Variants in CACNA2D3 observed in about 807,000 individuals in gnomAD.
The protein encoded by CACNA2D3 is calcium voltage-gated channel auxiliary subunit alpha2delta 3.
A neutral mutation model predicts 160.6 loss-of-function variants in CACNA2D3; 60 were observed. That is an observed-to-expected ratio of 0.37 (90% CI 0.30 to 0.46). The LOEUF (loss-of-function observed/expected upper bound fraction) is 0.46, where lower values mean the gene tolerates loss of function less well. CACNA2D3 is among the 20% of genes least tolerant of loss of function. The pLI is 1.00. For missense variants in CACNA2D3, 1,205 were observed against 1,365.0 expected (o/e 0.88, Z 1.85); for synonymous variants, 558 against 492.9 (o/e 1.13, Z -1.75).
chr3:54,818,462 A>G (rs1703511681), intron 14 of CACNA2D3, among the ~76,000 whole-genome samples: 1 of 152,238 alleles, frequency 6.6e-6, no homozygotes. Flanking sequence ...ACAGTGAGCC[A>G]CTGCGCCCAG....
intron 17 of CACNA2D3, among the ~76,000 whole-genome samples, chr3:54,858,807 T>G (rs1699224548): frequency 6.6e-6 from 1 of 152,200 alleles, no homozygotes; most frequent in East Asian, 1.9e-4. Context: ...TGGTCCCAAC[T>G]GGGTAGATGC....
intron 4 of CACNA2D3, among the ~76,000 whole-genome samples, chr3:54,450,610 G>A (rs1700289436): frequency 6.6e-6 from 1 of 152,002 alleles, no homozygotes; most frequent in African/African-American, 2.4e-5. Flanking sequence ...TTGTTAAAAA[G>A]CGCCTGGCAC....
chr3:54,646,177 TCCCTCCC>T (rs1699639760), intron 11 of CACNA2D3, among the ~76,000 whole-genome samples: 1 of 24,056 alleles, frequency 4.2e-5, no homozygotes, highest in Non-Finnish European at 8.6e-5. Flanking sequence ...CCTCCCTCCC[TCCCTCCC>T]TCCTTCCTTG....
At chr3:54,334,331 C>T (rs973434035) in intron 3 of CACNA2D3, among the ~76,000 whole-genome samples, 9 of 152,096 alleles carry the variant, frequency 5.9e-5, no homozygotes, top group Non-Finnish European at 1.2e-4. Flanking sequence ...AGTGATCCGC[C>T]CACCTTGGCC....
chr3:54,964,466 C>G (rs904807887), intron 27 of CACNA2D3, among the ~76,000 whole-genome samples: 2 of 151,856 alleles, frequency 1.3e-5, no homozygotes, highest in African/African-American at 4.8e-5. Flanking sequence ...CATTTGCTGT[C>G]TTTGTTTTCC....
At chr3:54,933,093 CTTCCTTCCTTCCTTCCTTCCTTCTTTCT>C (rs1407115685) in intron 27 of CACNA2D3, among the ~76,000 whole-genome samples, 2 of 103,622 alleles carry the variant, frequency 1.9e-5, no homozygotes, top group African/African-American at 3.9e-5. Context: ...TCCTTCCTTC[CTTCCTTCCTTCCTTCCTTCCTTCTTTCT>C]GGACCTCTGC....
chr3:54,245,717 T>C (rs1232285406), intron 2 of CACNA2D3, among the ~76,000 whole-genome samples: 1 of 152,222 alleles, frequency 6.6e-6, no homozygotes, highest in Admixed American at 6.5e-5. Context: ...TCCCCCAGTC[T>C]CTCATCAGTG....
Position 54,581,893 on chromosome 3 carries a change from G to A in CACNA2D3, c.963+16G>A. ...AAACAAAGAGGTAGGGGCAGCTCGG[G>A]GGAGCATTCCAGTCATGGTACACCC... On this transcript the variant is annotated intron_variant, in intron 9 of 37. Coordinates refer to ENST00000474759, the MANE Select transcript of CACNA2D3 (RefSeq NM_018398.3). 1.2e-6 allele frequency: 2 copies of A among 1,610,650 alleles called. No individual in the cohort carries two copies. The highest frequency in any genetic ancestry group is 1.7e-6 in the Non-Finnish European group (2 of 1,177,574).
At chr3:54,407,581 G>T (rs890126785) in intron 4 of CACNA2D3, among the ~76,000 whole-genome samples, 3 of 152,040 alleles carry the variant, frequency 2.0e-5, no homozygotes, top group African/African-American at 7.2e-5. Context: ...CTACTTCTCA[G>T]TTGTTACACA....
chr3:54,263,202 G>A (rs531124625), intron 2 of CACNA2D3, among the ~76,000 whole-genome samples: 2 of 152,272 alleles, frequency 1.3e-5, no homozygotes, highest in South Asian at 4.1e-4. Context: ...TACCTATTAA[G>A]GTAGTTGGTT....
chr3:54,518,559 C>T (rs1193192392), intron 5 of CACNA2D3, among the ~76,000 whole-genome samples: 1 of 152,192 alleles, frequency 6.6e-6, no homozygotes, highest in Non-Finnish European at 1.5e-5. Context: ...TGGCCTCAGC[C>T]ACCCGACTCA....
intron 2 of CACNA2D3, among the ~76,000 whole-genome samples, chr3:54,139,236 C>G (rs942174052): frequency 2.0e-5 from 3 of 152,348 alleles, no homozygotes; most frequent in Middle Eastern, 3.4e-3. Context: ...CACTTTGTCC[C>G]AGTGTGCCCC....
At chr3:54,412,954 T>G (rs1440092662) in intron 4 of CACNA2D3, among the ~76,000 whole-genome samples, 2 of 151,902 alleles carry the variant, frequency 1.3e-5, no homozygotes, top group Non-Finnish European at 2.9e-5. Flanking sequence ...AATAATATAT[T>G]TACCTACATA....
intron 3 of CACNA2D3, among the ~76,000 whole-genome samples, chr3:54,327,946 C>A (rs1198046678): frequency 6.6e-6 from 1 of 152,202 alleles, no homozygotes; most frequent in Non-Finnish European, 1.5e-5. Context: ...TTTTTCATGA[C>A]TGCTTTCTGG....
At chr3:54,401,962 AAG>A (rs1465512773) in intron 4 of CACNA2D3, among the ~76,000 whole-genome samples, 1 of 152,208 alleles carries the variant, frequency 6.6e-6, no homozygotes, top group Non-Finnish European at 1.5e-5. Context: ...TTAATATAAA[AAG>A]ACGTAAATTC....
chr3:54,710,200 C>T (rs1465594317), intron 11 of CACNA2D3, among the ~76,000 whole-genome samples: 2 of 152,144 alleles, frequency 1.3e-5, no homozygotes, highest in Non-Finnish European at 2.9e-5. Context: ...AATAAGCAAA[C>T]CCCAAATAAA....
At chr3:54,845,522 G>T (rs927745914) in intron 16 of CACNA2D3, among the ~76,000 whole-genome samples, 1 of 152,178 alleles carries the variant, frequency 6.6e-6, no homozygotes, top group East Asian at 1.9e-4. Context: ...ATCAGTATGG[G>T]TTTTATGCCA....
intron 2 of CACNA2D3, among the ~76,000 whole-genome samples, chr3:54,145,663 G>A (rs4408898): frequency 0.2 from 30,354 of 152,130 alleles, 3,183 homozygotes; most frequent in Middle Eastern, 0.28. Context: ...TTTAGCACTG[G>A]TCATCCTCAG....
chr3:54,933,116 CTTT>C (rs1701244125), intron 27 of CACNA2D3, among the ~76,000 whole-genome samples: 2 of 134,224 alleles, frequency 1.5e-5, no homozygotes, highest in Non-Finnish European at 3.3e-5. Context: ...TTCCTTCCTT[CTTT>C]CTGGACCTCT....
Sources: gnomAD v4.1 joint callset for allele counts (sites outside exome capture counted in the v4.1 genomes callset) on GRCh38, gnomAD v4.1.1 for gene constraint, MANE v1.5 for transcripts, NCBI Gene and HGNC (gene_info 2026-07-23, HGNC 2026-07-21) for gene names.